Variants in C12orf42 observed in about 807,000 individuals in gnomAD.
C12orf42 encodes the protein chromosome 12 open reading frame 42.
Under a neutral mutation model 21.6 loss-of-function variants are expected in C12orf42, and 25 were observed. The observed-to-expected ratio is 1.16, with a 90% CI of 0.84 to 1.62. The LOEUF (loss-of-function observed/expected upper bound fraction) is 1.62, where lower values mean the gene tolerates loss of function less well. Among genes scored for constraint, C12orf42 ranks in the 40% most tolerant of loss-of-function variants. C12orf42 has a pLI of 0.00. For synonymous variants in C12orf42, 174 were observed against 175.0 expected (o/e 0.99, Z 0.05); for missense variants, 483 against 459.3 (o/e 1.05, Z -0.47).
intron 4 of C12orf42, among the ~76,000 whole-genome samples, chr12:103,322,838 A>G (rs550758544): frequency 6.6e-6 from 1 of 152,296 alleles, no homozygotes; most frequent in African/African-American, 2.4e-5. Flanking sequence ...AGTTGTGAAG[A>G]CTTGTTTTAT....
At chr12:103,335,310 C>G (rs867119915) in intron 4 of C12orf42, among the ~76,000 whole-genome samples, 4 of 152,292 alleles carry the variant, frequency 2.6e-5, no homozygotes, top group East Asian at 1.9e-4. Context: ...TTTAAATAAA[C>G]ACTTACCTCC....
the C12orf42 span, among the ~76,000 whole-genome samples, chr12:103,163,348 G>C: frequency 6.6e-6 from 1 of 152,256 alleles, no homozygotes; most frequent in Non-Finnish European, 1.5e-5. Flanking sequence ...AAGGAATCAG[G>C]TAGCCAACTA....
chr12:103,126,581 A>T, the C12orf42 span, among the ~76,000 whole-genome samples: 2 of 152,142 alleles, frequency 1.3e-5, no homozygotes. Flanking sequence ...TAATGGTTCA[A>T]GAATGTGAAG....
chr12:103,473,286 C>A (rs1953770573), intron 2 of C12orf42, among the ~76,000 whole-genome samples: 1 of 152,140 alleles, frequency 6.6e-6, no homozygotes, highest in African/African-American at 2.4e-5. Context: ...CACATGTAAT[C>A]CTTAAGATTA....
the C12orf42 span, among the ~76,000 whole-genome samples, chr12:103,062,951 C>T: frequency 6.3e-4 from 95 of 151,986 alleles, 1 homozygote; most frequent in East Asian, 3.3e-3. Context: ...ATGATTAGAC[C>T]GAAAAATGCT....
chr12:103,309,812 G>A (rs192741028), intron 4 of C12orf42, among the ~76,000 whole-genome samples: 67 of 152,320 alleles, frequency 4.4e-4, no homozygotes, highest in African/African-American at 1.5e-3. Flanking sequence ...ATGGCAAAGA[G>A]GGCATTGGCC....
the C12orf42 span, among the ~76,000 whole-genome samples, chr12:103,092,082 G>T: frequency 0.011 from 1,648 of 152,258 alleles, 12 homozygotes; most frequent in South Asian, 0.019. Flanking sequence ...GTTCTTGTTT[G>T]TTAGAAAATA....
chr12:103,484,998 T>A (rs1437942815), intron 1 of C12orf42, among the ~76,000 whole-genome samples: 1 of 151,174 alleles, frequency 6.6e-6, no homozygotes, highest in East Asian at 2.0e-4. Context: ...GCCTTCTGAG[T>A]ACCTGGGACT....
At chr12:103,287,314 A>T (rs565400197) in intron 4 of C12orf42, among the ~76,000 whole-genome samples, 2 of 152,354 alleles carry the variant, frequency 1.3e-5, no homozygotes, top group East Asian at 1.9e-4. Flanking sequence ...CAAATGTCCA[A>T]CAATGATAGA....
intron 4 of C12orf42, among the ~76,000 whole-genome samples, chr12:103,311,864 G>T (rs1219930533): frequency 6.6e-6 from 1 of 152,162 alleles, no homozygotes; most frequent in African/African-American, 2.4e-5. Flanking sequence ...CTTCAGTGAT[G>T]AAAATGTATA....
chr12:103,207,955 G>A, the C12orf42 span, among the ~76,000 whole-genome samples: 1 of 152,134 alleles, frequency 6.6e-6, no homozygotes, highest in Non-Finnish European at 1.5e-5. Context: ...GCAAAAACTT[G>A]ATCAAATCAA....
chr12:103,485,796 T>A (rs1037477349), intron 1 of C12orf42, among the ~76,000 whole-genome samples: 17 of 152,222 alleles, frequency 1.1e-4, no homozygotes, highest in Non-Finnish European at 1.3e-4. Context: ...TATATAGGAA[T>A]GCTTGTGATT....
chr12:103,312,448 A>G (rs893795424), intron 4 of C12orf42, among the ~76,000 whole-genome samples: 3 of 152,208 alleles, frequency 2.0e-5, no homozygotes, highest in Non-Finnish European at 4.4e-5. Context: ...TTTCTAACAT[A>G]CAGAAGAAGA....
intron 10 of C12orf42, among the ~76,000 whole-genome samples, chr12:103,242,933 T>C (rs772200314): frequency 2.6e-5 from 4 of 152,156 alleles, no homozygotes; most frequent in African/African-American, 7.2e-5. Flanking sequence ...TTGTGTAATA[T>C]TGAAATCATA....
chr12:103,331,058 T>C (rs2041199419), intron 4 of C12orf42, among the ~76,000 whole-genome samples: 1 of 152,226 alleles, frequency 6.6e-6, no homozygotes, highest in Non-Finnish European at 1.5e-5. Context: ...ATACAGATGC[T>C]CTTTGACTTA....
At chr12:103,552,670 G>T in the C12orf42 span, among the ~76,000 whole-genome samples, 2 of 152,138 alleles carry the variant, frequency 1.3e-5, no homozygotes, top group African/African-American at 2.4e-5. Flanking sequence ...AATGTCACTG[G>T]TGAGCACATG....
chr12:103,549,692 A>G, the C12orf42 span: 1 of 152,108 alleles, frequency 6.6e-6, no homozygotes, highest in Non-Finnish European at 1.5e-5. Context: ...TGGTAGATCA[A>G]TGTTAAAACC....
chr12:103,354,540 C>T (rs757343806), intron 4 of C12orf42, among the ~76,000 whole-genome samples: 5 of 152,110 alleles, frequency 3.3e-5, no homozygotes, highest in Non-Finnish European at 5.9e-5. Context: ...AATAATTGTA[C>T]ACTGTAAGAC....
At chr12:103,101,900 G>T in the C12orf42 span, among the ~76,000 whole-genome samples, 3 of 152,222 alleles carry the variant, frequency 2.0e-5, no homozygotes, top group Admixed American at 6.5e-5. Context: ...TATCTCTGCT[G>T]CATGTAGTCT....
Sources: gnomAD v4.1 joint callset for allele counts (sites outside exome capture counted in the v4.1 genomes callset) on GRCh38, gnomAD v4.1.1 for gene constraint, MANE v1.5 for transcripts, NCBI Gene and HGNC (gene_info 2026-07-23, HGNC 2026-07-21) for gene names.